The following FMN1 variants were observed in gnomAD, a reference collection of about 807,000 sequenced individuals.
The protein encoded by FMN1 is formin 1, also known as formin-1.
A neutral mutation model predicts 132.4 loss-of-function variants in FMN1; 110 were observed. That is an observed-to-expected ratio of 0.83 (90% confidence interval 0.71 to 0.97). The LOEUF (loss-of-function observed/expected upper bound fraction) is 0.97. FMN1 is among the 50% of genes least tolerant of loss of function. The pLI is 0.00. For synonymous variants in FMN1, 722 were observed against 651.7 expected, an observed-to-expected ratio of 1.11 and a Z score of -1.64; for missense variants, 1,792 against 1,705.3, an observed-to-expected ratio of 1.05 and a Z score of -0.90.
chr15:33,076,329 G>T (rs2038207214), intron 5 of FMN1, among the ~76,000 whole-genome samples: 1 of 152,220 alleles, frequency 6.6e-6, no homozygotes, highest in Non-Finnish European at 1.5e-5. Flanking sequence ...GACTACTTAT[G>T]CCTGTTGCCT....
In FMN1 at chr15:32,858,080, G is replaced by A. The variant is rs148497906; in HGVS notation, c.3836-973C>T. ...CCATAAAGATATCATGCCACCTGGG[G>A]TTCACAAAATAGAGAAACATATACT... On this transcript the variant is annotated intron_variant, in intron 16 of 20. Coordinates refer to ENST00000616417, the MANE Select transcript of FMN1 (RefSeq NM_001277313.2). Among the ~76,000 whole-genome samples the A allele has an allele frequency of 6.6e-5, 10 of 152,288 alleles. No individual in the cohort carries two copies. The East Asian group carries it at 1.3e-3, about 21-fold the overall frequency.
At chr15:33,026,454 C>A (rs919188818) in intron 6 of FMN1, among the ~76,000 whole-genome samples, 1 of 104,870 alleles carries the variant, frequency 9.5e-6, no homozygotes, top group African/African-American at 3.1e-5. Flanking sequence ...GTTTATAAGA[C>A]TAGGTTTAGC....
Position 32,768,548 on chromosome 15 carries a change from C to T in FMN1, c.*5762G>A, listed in dbSNP as rs1366101095. 1 of 152,198 alleles carries T rather than the reference C, an allele frequency of 6.6e-6. No homozygotes were observed. Among genetic ancestry groups the T allele is most frequent in the Non-Finnish European group, 1.5e-5 (1 of 68,050 alleles). The allele number at this position is 152,198 out of a possible 1,614,324, so 9.4% of individuals were successfully genotyped here. On this transcript the variant is annotated 3_prime_UTR_variant, in exon 21 of 21. Transcript: ENST00000616417. Reference sequence around the variant, plus strand: ...GGTAGAGAGCCCCTCAGTGTCTGCACAGGTAGAATTTAGGAAAATGTTCAG... The same window carrying T: ...GGTAGAGAGCCCCTCAGTGTCTGCATAGGTAGAATTTAGGAAAATGTTCAG...
chr15:32,874,699 T>TA, intron 16 of FMN1, among the ~76,000 whole-genome samples: 1 of 152,216 alleles, frequency 6.6e-6, no homozygotes, highest in Non-Finnish European at 1.5e-5. Flanking sequence ...GGATAAAACT[T>TA]ACCCTTAAAA....
intron 10 of FMN1, among the ~76,000 whole-genome samples, chr15:32,916,613 G>A (rs566639821): frequency 7.9e-5 from 12 of 152,284 alleles, no homozygotes; most frequent in African/African-American, 2.4e-4. Context: ...TGATTTGTAC[G>A]TAGCCTGTTT....
chr15:32,892,693 CT>C (rs974155203), intron 15 of FMN1, among the ~76,000 whole-genome samples: 5 of 151,006 alleles, frequency 3.3e-5, no homozygotes, highest in East Asian at 1.9e-4. Flanking sequence ...GGTCCTGGAC[CT>C]TTTTTTTTGT....
At chr15:33,005,059 G>A (rs1259717547) in intron 7 of FMN1, among the ~76,000 whole-genome samples, 1 of 152,120 alleles carries the variant, frequency 6.6e-6, no homozygotes, top group South Asian at 2.1e-4. Context: ...GTAGCGGGGA[G>A]GGATAGCATT....
At chr15:32,908,663 C>CT in intron 11 of FMN1, 85 bp from the exon 12 acceptor site, 2 of 805,058 alleles carry the variant, frequency 2.5e-6, no homozygotes, top group South Asian at 3.3e-5. Context: ...GTCTCAAAGT[C>CT]TCGAAGTGTG....
chr15:33,099,766 A>G (rs1204399120), intron 4 of FMN1, among the ~76,000 whole-genome samples: 1 of 152,198 alleles, frequency 6.6e-6, no homozygotes, highest in Non-Finnish European at 1.5e-5. Context: ...ATTCTCTAAA[A>G]GTCATCTAGT....
intron 5 of FMN1, among the ~76,000 whole-genome samples, chr15:33,084,588 T>C (rs1466564018): frequency 6.6e-6 from 1 of 152,156 alleles, no homozygotes; most frequent in Non-Finnish European, 1.5e-5. Context: ...CACGTACACT[T>C]GGGTCTCAGA....
At chr15:32,877,004 G>A (rs8026174) in intron 16 of FMN1, among the ~76,000 whole-genome samples, 48,093 of 151,998 alleles carry the variant, frequency 0.32, 8,119 homozygotes, top group African/African-American at 0.44. Context: ...AGATGGTATC[G>A]GCTGGGCATG....
chr15:32,982,498 G>A (rs2032758796), intron 7 of FMN1, among the ~76,000 whole-genome samples: 1 of 152,174 alleles, frequency 6.6e-6, no homozygotes, highest in Non-Finnish European at 1.5e-5. Context: ...ATAATAGCCT[G>A]TGATGGTTAA....
intron 9 of FMN1, among the ~76,000 whole-genome samples, chr15:32,955,569 A>T (rs2061747189): frequency 6.6e-6 from 1 of 152,198 alleles, no homozygotes; most frequent in African/African-American, 2.4e-5. Context: ...AGAATCTCAG[A>T]AAATGGCCTG....
At chr15:32,833,289 G>C (rs1386292090) in intron 17 of FMN1, among the ~76,000 whole-genome samples, 1 of 152,164 alleles carries the variant, frequency 6.6e-6, no homozygotes, top group Admixed American at 6.5e-5. Context: ...TCTTCAATTA[G>C]TGTAACTGAT....
chr15:32,872,267 G>C (rs539756545), intron 16 of FMN1, among the ~76,000 whole-genome samples: 124 of 152,312 alleles, frequency 8.1e-4, no homozygotes, highest in African/African-American at 2.7e-3. Context: ...ACATACGATT[G>C]CAATTCAAGT....
rs544993815 is a variant in FMN1, at chr15:32,767,121, T to C, written c.*7189A>G. ...ATTTCCACGGAAAAGCTGTCCACGATACGACCATGGCAAAAAATCACCAGC... is the reference window on the plus strand; with the variant it reads ...ATTTCCACGGAAAAGCTGTCCACGACACGACCATGGCAAAAAATCACCAGC... On this transcript the variant is annotated 3_prime_UTR_variant, in exon 21 of 21. Coordinates refer to ENST00000616417, the MANE Select transcript of FMN1 (RefSeq NM_001277313.2). 1 of 152,348 alleles carries C rather than the reference T, an allele frequency of 6.6e-6. No individual in the cohort carries two copies. Among genetic ancestry groups the C allele is most frequent in the South Asian group, 2.1e-4 (1 of 4,826 alleles). The allele number at this position is 152,348 out of a possible 1,614,324, so 9.4% of individuals were successfully genotyped here.
intron 15 of FMN1, among the ~76,000 whole-genome samples, chr15:32,894,891 A>C (rs62001356): frequency 1.3e-5 from 2 of 151,592 alleles, no homozygotes; most frequent in Non-Finnish European, 2.9e-5. Context: ...GTATTATACT[A>C]TATGTTATTT....
At chr15:33,111,535 C>A (rs2039704635) in intron 4 of FMN1, among the ~76,000 whole-genome samples, 1 of 152,126 alleles carries the variant, frequency 6.6e-6, no homozygotes, top group African/African-American at 2.4e-5. Context: ...CACAAATGTT[C>A]GTAGCATTAC....
intron 4 of FMN1, among the ~76,000 whole-genome samples, chr15:33,114,974 C>G (rs2039858519): frequency 6.6e-6 from 1 of 152,156 alleles, no homozygotes; most frequent in Non-Finnish European, 1.5e-5. Flanking sequence ...AGAAGATAAA[C>G]TGACCTGCAC....
Sources: allele counts gnomAD v4.1 joint callset (sites outside exome capture counted in the v4.1 genomes callset), GRCh38; gene constraint gnomAD v4.1.1; transcripts MANE v1.5; gene names NCBI Gene and HGNC (gene_info 2026-07-23, HGNC 2026-07-21).